Variants in EXOC6B observed in about 807,000 individuals in gnomAD.
EXOC6B encodes exocyst complex component 6B, also known as SEC15 homolog B.
In EXOC6B, 54 loss-of-function variants were observed where a neutral mutation model predicts 113.5. The ratio of observed to expected loss-of-function variants is 0.48; its 90% CI spans 0.38 to 0.60. The LOEUF is 0.60. EXOC6B is among the 20% of genes least tolerant of loss of function. The probability of loss-of-function intolerance (pLI) is 0.00; values close to 1 mark genes in which losing one functional copy is unlikely to be tolerated. For synonymous variants in EXOC6B, 357 were observed against 339.0 expected (o/e 1.05, Z -0.58); for missense variants, 797 against 977.5 (o/e 0.82, Z 2.46).
intron 19 of EXOC6B, among the ~76,000 whole-genome samples, chr2:72,353,386 T>TGTATTGTATTGTA (rs774320429): frequency 7.9e-5 from 12 of 151,534 alleles, no homozygotes; most frequent in Admixed American, 2.0e-4. Context: ...TGTATCGTAT[T>TGTATTGTATTGTA]TTTGAGATGG....
At chr2:72,697,610 G>A (rs550055170) in intron 6 of EXOC6B, among the ~76,000 whole-genome samples, 2 of 152,218 alleles carry the variant, frequency 1.3e-5, no homozygotes, top group Admixed American at 6.5e-5. Context: ...CTTGAGCCTG[G>A]GAGGCAGAGG....
chr2:72,767,823 A>AAAAAAAAAAAAAAAAAAAAAAAAAAAAAC (rs1249646454), intron 1 of EXOC6B, among the ~76,000 whole-genome samples: 2 of 141,264 alleles, frequency 1.4e-5, no homozygotes, highest in African/African-American at 2.6e-5. Context: ...AAAAAAAAAA[A>AAAAAAAAAAAAAAAAAAAAAAAAAAAAAC]AAAAAAAAAA....
chr2:72,232,265 G>A (rs1681672684), intron 20 of EXOC6B, among the ~76,000 whole-genome samples: 1 of 152,152 alleles, frequency 6.6e-6, no homozygotes, highest in Non-Finnish European at 1.5e-5. Context: ...GTGAGCCACT[G>A]TGCCCAGCCT....
At chr2:72,755,506 T>C (rs1226490396) in intron 1 of EXOC6B, among the ~76,000 whole-genome samples, 1 of 152,118 alleles carries the variant, frequency 6.6e-6, no homozygotes, top group Non-Finnish European at 1.5e-5. Flanking sequence ...TTTCAACATT[T>C]CATCTTACCC....
chr2:72,263,605 A>G (rs1683868158), intron 20 of EXOC6B, among the ~76,000 whole-genome samples: 1 of 152,234 alleles, frequency 6.6e-6, no homozygotes, highest in African/African-American at 2.4e-5. Context: ...TCAATTGTCT[A>G]TTCTTTCCCA....
chr2:72,675,396 T>G (rs1676219201), intron 6 of EXOC6B, among the ~76,000 whole-genome samples: 1 of 152,218 alleles, frequency 6.6e-6, no homozygotes, highest in Non-Finnish European at 1.5e-5. Context: ...CAAACTGGAT[T>G]AATTATTTGA....
At chr2:72,254,511 C>G (rs1315711586) in intron 20 of EXOC6B, among the ~76,000 whole-genome samples, 5 of 152,126 alleles carry the variant, frequency 3.3e-5, no homozygotes, top group African/African-American at 1.2e-4. Context: ...TTTAAGCCAC[C>G]AAGTTTATAG....
At chr2:72,715,370 T>C (rs1268054025) in intron 6 of EXOC6B, among the ~76,000 whole-genome samples, 5 of 150,550 alleles carry the variant, frequency 3.3e-5, no homozygotes, top group Middle Eastern at 3.5e-3. Flanking sequence ...GAAAGAGAAG[T>C]ATGCCTCCTA....
chr2:72,368,390 A>C (rs1455404209), intron 19 of EXOC6B, among the ~76,000 whole-genome samples: 1 of 152,182 alleles, frequency 6.6e-6, no homozygotes, highest in Non-Finnish European at 1.5e-5. Context: ...CCAGCCAAAA[A>C]AAGTCCAGGA....
chr2:72,225,137 G>C (rs12151496), intron 20 of EXOC6B, among the ~76,000 whole-genome samples: 62,674 of 150,210 alleles, frequency 0.42, 16,108 homozygotes, highest in African/African-American at 0.72. Context: ...TAGGCATGAG[G>C]CACCGCGCCC....
chr2:72,757,506 A>C (rs10168698), intron 1 of EXOC6B, among the ~76,000 whole-genome samples: 4 of 152,232 alleles, frequency 2.6e-5, no homozygotes, highest in African/African-American at 9.6e-5. Context: ...ATTAGTGCCA[A>C]CCCCTGCAAT....
chr2:72,577,467 T>C (rs1009609691), intron 6 of EXOC6B, among the ~76,000 whole-genome samples: 3 of 151,994 alleles, frequency 2.0e-5, no homozygotes, highest in African/African-American at 7.2e-5. Context: ...CTTAACTCTA[T>C]CCTCTTGCAG....
In EXOC6B at chr2:72,426,215, T is replaced by C. The variant is rs542977292; in HGVS notation, c.1980+38945A>G. Among the ~76,000 whole-genome samples the C allele has an allele frequency of 3.8e-4, 58 of 152,318 alleles. 1 individual carries two copies. The highest frequency in any genetic ancestry group is 1.3e-3 in the African/African-American group (54 of 41,570). The stretch of plus-strand genomic sequence containing the variant: ...GGGTCTAATGTGGTTTTAATTATTT[T>C]TGATAGCTTTGCTCATCCCCATCTG... On this transcript the variant is annotated intron_variant, in intron 18 of 21. Coordinates refer to ENST00000272427, the MANE Select transcript of EXOC6B (RefSeq NM_015189.3).
Position 72,194,718 on chromosome 2 carries a change from C to T in EXOC6B, c.2197-10531G>A, listed in dbSNP as rs146852616. ...CAGGAAGCAAGAAGGCTGGAGGTGT[C>T]TACGGATTCACAGAAATCTGGAGGA... is the stretch of plus-strand genomic sequence containing the variant. On this transcript the variant is annotated intron_variant, in intron 20 of 21. Transcript: ENST00000272427. Among the ~76,000 whole-genome samples the T allele has an allele frequency of 5.0e-3, 760 of 152,162 alleles. 11 individuals are homozygous for T. Among genetic ancestry groups the T allele is most frequent in the African/African-American group, 0.017 (701 of 41,472 alleles).
chr2:72,182,471 C>G (rs891152489), intron 21 of EXOC6B, among the ~76,000 whole-genome samples: 2 of 152,076 alleles, frequency 1.3e-5, no homozygotes, highest in Non-Finnish European at 2.9e-5. Context: ...TGGGATTAAG[C>G]CTTGCCTCTA....
At chr2:72,345,613 C>T (rs1342971324) in intron 19 of EXOC6B, among the ~76,000 whole-genome samples, 1 of 152,018 alleles carries the variant, frequency 6.6e-6, no homozygotes, top group Non-Finnish European at 1.5e-5. Context: ...AACTATATGA[C>T]ATTCTAGATA....
At chr2:72,452,711 A>G (rs1696988543) in intron 18 of EXOC6B, among the ~76,000 whole-genome samples, 1 of 152,226 alleles carries the variant, frequency 6.6e-6, no homozygotes, top group South Asian at 2.1e-4. Flanking sequence ...AGCTTTATGT[A>G]AGGGAATTAC....
chr2:72,454,884 T>C (rs918114584), intron 18 of EXOC6B, among the ~76,000 whole-genome samples: 8 of 152,202 alleles, frequency 5.3e-5, no homozygotes, highest in African/African-American at 1.9e-4. Flanking sequence ...AGTTTCTAAC[T>C]AAACAAAAGA....
intron 11 of EXOC6B, among the ~76,000 whole-genome samples, chr2:72,503,014 C>T (rs555600406): frequency 1.3e-5 from 2 of 152,186 alleles, no homozygotes; most frequent in East Asian, 3.9e-4. Flanking sequence ...TTCTAAGAAG[C>T]CAATTTTTAC....
Sources: gnomAD v4.1 joint callset for allele counts (sites outside exome capture counted in the v4.1 genomes callset) on GRCh38, gnomAD v4.1.1 for gene constraint, MANE v1.5 for transcripts, NCBI Gene and HGNC (gene_info 2026-07-23, HGNC 2026-07-21) for gene names.